LDB2: variants seen among roughly 807,000 people sequenced by gnomAD.
LDB2 encodes the protein LIM domain-binding protein 2.
LDB2 carries 12 observed loss-of-function variants against 44.3 expected under a neutral mutation model. The ratio of observed to expected loss-of-function variants is 0.27; its 90% CI spans 0.17 to 0.44. The LOEUF is 0.44. LDB2 is among the 20% of genes least tolerant of loss of function. The probability of loss-of-function intolerance (pLI) is 1.00; values close to 1 mark genes in which losing one functional copy is unlikely to be tolerated. For missense variants in LDB2, 344 were observed against 473.5 expected, an observed-to-expected ratio of 0.73 and a Z score of 2.54; for synonymous variants, 164 against 174.8, an observed-to-expected ratio of 0.94 and a Z score of 0.49.
Position 16,533,751 on chromosome 4 carries a change from C to T in LDB2, c.616-21647G>A, listed in dbSNP as rs916337361. Among the ~76,000 whole-genome samples the T allele has an allele frequency of 2.6e-5, 4 of 152,012 alleles. No homozygotes were observed. The highest frequency in any genetic ancestry group is 9.7e-5 in the African/African-American group (4 of 41,378). ...CCAGTAAAATTCCATTTTGGGGTTG[C>T]ATAAAAACAACAATTCCTGGAAAGG... On this transcript the variant is annotated intron_variant, in intron 5 of 7. Coordinates refer to ENST00000304523, the MANE Select transcript of LDB2 (RefSeq NM_001290.5). The surrounding 1 kb of genome is among the most constrained non-coding windows in gnomAD (Gnocchi z 4.1).
At chr4:16,774,048 G>A (rs886350158) in intron 1 of LDB2, among the ~76,000 whole-genome samples, 3 of 149,858 alleles carry the variant, frequency 2.0e-5, no homozygotes, top group African/African-American at 7.4e-5. Context: ...CCAGCTACTC[G>A]GGGGGCTGAG....
At chr4:16,769,797 G>A (rs927706087) in intron 1 of LDB2, among the ~76,000 whole-genome samples, 4 of 152,270 alleles carry the variant, frequency 2.6e-5, no homozygotes, top group Middle Eastern at 3.4e-3. Context: ...GAGCATCTCG[G>A]TGTTTCACTC....
intron 2 of LDB2, among the ~76,000 whole-genome samples, chr4:16,739,577 A>G (rs1381559603): frequency 4.2e-5 from 2 of 47,428 alleles, no homozygotes; most frequent in African/African-American, 9.5e-5. Context: ...CAGAGGGAAA[A>G]AAAAAAAAAA....
In LDB2 at chr4:16,650,680, G is replaced by A. The variant is rs77622777; in HGVS notation, c.236-54805C>T. 3.3e-3 allele frequency among the ~76,000 whole-genome samples: 505 copies of A among 152,222 alleles called. 2 individuals carry two copies. The highest frequency in any genetic ancestry group is 0.011 in the African/African-American group (476 of 41,508). ...TATCTTCCTTGTAGCACTGGACTAC[G>A]ACATGGCTCTGCAAGTGAACACATT... On this transcript the variant is annotated intron_variant, in intron 2 of 7. Transcript: ENST00000304523.
chr4:16,702,452 A>G (rs902727388), intron 2 of LDB2, among the ~76,000 whole-genome samples: 2 of 152,180 alleles, frequency 1.3e-5, no homozygotes, highest in African/African-American at 4.8e-5. Flanking sequence ...TTTAGGCCTC[A>G]GCCCTGAAGC....
At chr4:16,851,368 T>G (rs911450921) in intron 1 of LDB2, among the ~76,000 whole-genome samples, 1 of 152,130 alleles carries the variant, frequency 6.6e-6, no homozygotes, top group Non-Finnish European at 1.5e-5. Flanking sequence ...AATAGTGTTA[T>G]GAAAACCAAG....
At chr4:16,555,035 A>T (rs1739027412) in intron 5 of LDB2, among the ~76,000 whole-genome samples, 1 of 152,006 alleles carries the variant, frequency 6.6e-6, no homozygotes. Flanking sequence ...GCTATATGAG[A>T]AATCTCTGTA....
intron 5 of LDB2, chr4:16,581,384 A>G (rs888925204): frequency 3.0e-5 from 29 of 982,852 alleles, no homozygotes; most frequent in Non-Finnish European, 3.5e-5. Flanking sequence ...TCCCAAGCCC[A>G]TGTCACAGTG....
intron 5 of LDB2, among the ~76,000 whole-genome samples, chr4:16,534,453 T>C (rs771257504): frequency 1.2e-4 from 19 of 152,278 alleles, no homozygotes; most frequent in Non-Finnish European, 2.2e-4. Context: ...TCTCCAGCAC[T>C]GGGGTAAGGG....
chr4:16,607,284 A>G (rs1272157510), intron 2 of LDB2, among the ~76,000 whole-genome samples: 1 of 152,220 alleles, frequency 6.6e-6, no homozygotes. Flanking sequence ...CTCATTCAGC[A>G]TCCGCCACCC....
At chr4:16,844,207 CACTGCACTCTAGCCTGGGAGACAGAG>C (rs1420338881) in intron 1 of LDB2, among the ~76,000 whole-genome samples, 1 of 130,778 alleles carries the variant, frequency 7.6e-6, no homozygotes, top group Non-Finnish European at 1.5e-5. Flanking sequence ...GAGGCCCAGC[CACTGCACTCTAGCCTGGGAGACAGAG>C]ACACACCCTG....
chr4:16,853,693 A>G (rs1049472793), intron 1 of LDB2, among the ~76,000 whole-genome samples: 1 of 152,148 alleles, frequency 6.6e-6, no homozygotes, highest in Non-Finnish European at 1.5e-5. Flanking sequence ...TCATTGCAGC[A>G]TTTTCCACAA....
At chr4:16,639,251 A>G (rs1239816276) in intron 2 of LDB2, among the ~76,000 whole-genome samples, 1 of 152,200 alleles carries the variant, frequency 6.6e-6, no homozygotes, top group Non-Finnish European at 1.5e-5. Flanking sequence ...GTTGCCATGT[A>G]AAATAATTTA....
rs551330338 is a variant in LDB2, at chr4:16,812,774, T to C, written c.133-53514A>G. ...AGATTAATTAAAGAGAACAAGAATA[T>C]AAAAATAGTGTGATATTTCATTATT... is the stretch of plus-strand genomic sequence containing the variant. On this transcript the variant is annotated intron_variant, in intron 1 of 7. Transcript: ENST00000304523. 9.0e-4 allele frequency among the ~76,000 whole-genome samples: 136 copies of C among 151,608 alleles called. 1 individual carries two copies. Among genetic ancestry groups the C allele is most frequent in the African/African-American group, 3.1e-3 (127 of 41,314 alleles).
At chr4:16,644,521 G>A (rs1736138381) in intron 2 of LDB2, among the ~76,000 whole-genome samples, 4 of 150,702 alleles carry the variant, frequency 2.7e-5, no homozygotes, top group Admixed American at 2.6e-4. Context: ...TCTGCCTCCT[G>A]GGTTCAAGGG....
At chr4:16,693,587 C>A (rs376885673) in intron 2 of LDB2, among the ~76,000 whole-genome samples, 1 of 152,114 alleles carries the variant, frequency 6.6e-6, no homozygotes, top group Admixed American at 6.5e-5. Context: ...GAACTCCTGA[C>A]CTCGTGATCC....
At chr4:16,632,323 T>C (rs1732197537) in intron 2 of LDB2, among the ~76,000 whole-genome samples, 1 of 152,076 alleles carries the variant, frequency 6.6e-6, no homozygotes, top group African/African-American at 2.4e-5. Flanking sequence ...ACAGAACCAA[T>C]GACAAAAAAC....
chr4:16,815,310 G>C (rs1038289534), intron 1 of LDB2, among the ~76,000 whole-genome samples: 1 of 152,200 alleles, frequency 6.6e-6, no homozygotes, highest in Non-Finnish European at 1.5e-5. Context: ...CCTGAAACTA[G>C]TGACATTGTC....
At chr4:16,851,718 G>A (rs1788297114) in intron 1 of LDB2, among the ~76,000 whole-genome samples, 1 of 151,982 alleles carries the variant, frequency 6.6e-6, no homozygotes, top group Admixed American at 6.6e-5. Context: ...TTCAGAGAAA[G>A]GGTAAGAAGC....
Sources: gnomAD v4.1 joint callset for allele counts (sites outside exome capture counted in the v4.1 genomes callset) on GRCh38, gnomAD v4.1.1 for gene constraint, Gnocchi (gnomAD v3.1) non-coding constraint, MANE v1.5 for transcripts, NCBI Gene and HGNC (gene_info 2026-07-23, HGNC 2026-07-21) for gene names.